The following CRK variants were observed in gnomAD, a reference collection of about 807,000 sequenced individuals.
CRK encodes the protein adapter molecule crk.
CRK carries 4 observed loss-of-function variants against 29.8 expected under a neutral mutation model. The observed-to-expected ratio is 0.13, with a 90% CI of 0.07 to 0.31. The LOEUF (loss-of-function observed/expected upper bound fraction) is 0.31. Among genes scored for constraint, CRK ranks in the 10% least tolerant of loss-of-function variants. The pLI is 1.00. For synonymous variants in CRK, 153 were observed against 164.9 expected, an observed-to-expected ratio of 0.93 and a Z score of 0.55; for missense variants, 274 against 396.5, an observed-to-expected ratio of 0.69 and a Z score of 2.62.
At chr17:1,451,334 G>A (rs1036226805) in intron 1 of CRK, among the ~76,000 whole-genome samples, 3 of 151,360 alleles carry the variant, frequency 2.0e-5, no homozygotes, top group African/African-American at 4.8e-5. Context: ...GGGTTCAAGC[G>A]ATTCTCGTGC....
intron 1 of CRK, among the ~76,000 whole-genome samples, chr17:1,446,260 CTA>C (rs1039584895): frequency 1.3e-5 from 2 of 152,120 alleles, no homozygotes; most frequent in African/African-American, 2.4e-5. Context: ...TCACCTGGAT[CTA>C]TGTTCCTGCT....
chr17:1,433,167 G>C (rs557851870), intron 2 of CRK, among the ~76,000 whole-genome samples: 2 of 152,260 alleles, frequency 1.3e-5, no homozygotes, highest in Admixed American at 1.3e-4. Flanking sequence ...GAGATAATGA[G>C]AACAAAATCA....
rs117003273 is a variant in CRK at position 1,425,981 on chromosome 17, T to G, written c.778-2331A>C. Among the ~76,000 whole-genome samples, 562 of 152,122 alleles carry G rather than the reference T, an allele frequency of 3.7e-3. 6 individuals are homozygous for G. Among genetic ancestry groups the G allele is most frequent in the Non-Finnish European group, 6.6e-3 (449 of 67,970 alleles). ...GAGGTGGGGGGATGGCTTGAGCCCA[T>G]GATTTTGAGAGCAGCCCTGGCAAAA... On this transcript the variant is annotated intron_variant, in intron 2 of 2. Coordinates refer to ENST00000300574, the MANE Select transcript of CRK (RefSeq NM_016823.4).
Position 1,444,618 on chromosome 17 carries a change from C to T in CRK, c.242-7463G>A, listed in dbSNP as rs530881300. On this transcript the variant is annotated intron_variant, in intron 1 of 2. Coordinates refer to ENST00000300574, the MANE Select transcript of CRK (RefSeq NM_016823.4). ...AGCGGGGGGGGGGATCACCTGAGATCGGGAGTTCGAGAGCAGCCTGACCAA... is the reference window on the plus strand; with the variant it reads ...AGCGGGGGGGGGGATCACCTGAGATTGGGAGTTCGAGAGCAGCCTGACCAA... Among the ~76,000 whole-genome samples the T allele has an allele frequency of 1.1e-3, 145 of 133,624 alleles. 1 individual carries two copies. The highest frequency in any genetic ancestry group is 3.8e-3 in the African/African-American group (136 of 35,990). The allele number at this position is 133,624 out of a possible 152,430, so 87.7% of individuals were successfully genotyped here. A position where few individuals can be genotyped will look rare whatever the true frequency, so the allele number is the denominator to read the frequency against.
At chr17:1,438,748 G>T (rs2073909934) in intron 1 of CRK, among the ~76,000 whole-genome samples, 1 of 151,900 alleles carries the variant, frequency 6.6e-6, no homozygotes, top group South Asian at 2.1e-4. Context: ...CCATAGTTCA[G>T]AATGGATTTA....
chr17:1,450,481 C>T (rs1008963024), intron 1 of CRK, among the ~76,000 whole-genome samples: 2 of 149,698 alleles, frequency 1.3e-5, no homozygotes, highest in Admixed American at 6.7e-5. Context: ...CCCTCCGGCC[C>T]GGCGTGGGCG....
At chr17:1,452,575 T>G (rs888552907) in intron 1 of CRK, among the ~76,000 whole-genome samples, 1 of 151,456 alleles carries the variant, frequency 6.6e-6, no homozygotes, top group African/African-American at 2.4e-5. Context: ...ATGATCAGAG[T>G]TCAGCAGTTC....
rs756745171 is a variant in CRK, at chr17:1,436,504, C to T, written c.777+116G>A. On this transcript the variant is annotated intron_variant, in intron 2 of 2. Transcript: ENST00000300574. ...ATTCAATGCCAACATCAGTGCTTAG[C>T]GGCTTGCCATCTACAACATCCCAAT... 7.9e-4 allele frequency: 897 copies of T among 1,138,716 alleles called. 1 individual carries two copies. The highest frequency in any genetic ancestry group is 8.8e-4 in the Non-Finnish European group (722 of 824,928). The allele number at this position is 1,138,716 out of a possible 1,614,324, so 70.5% of individuals were successfully genotyped here.
chr17:1,433,508 GCTTTT>G (rs2073862176), intron 2 of CRK, among the ~76,000 whole-genome samples: 1 of 114,368 alleles, frequency 8.7e-6, no homozygotes, highest in Non-Finnish European at 1.8e-5. Flanking sequence ...ACCACGCCTG[GCTTTT>G]TTTTTTTTTT....
chr17:1,438,720 G>A (rs1182681313), intron 1 of CRK, among the ~76,000 whole-genome samples: 1 of 152,068 alleles, frequency 6.6e-6, no homozygotes, highest in African/African-American at 2.4e-5. Context: ...ACACGAGTGT[G>A]TATGGTGGCC....
intron 1 of CRK, among the ~76,000 whole-genome samples, chr17:1,451,069 G>A (rs1425569266): frequency 6.6e-6 from 1 of 150,700 alleles, no homozygotes. Context: ...GCGGGCGCCT[G>A]TAGTCCCAGC....
At chr17:1,429,067 C>G (rs1363837365) in intron 2 of CRK, among the ~76,000 whole-genome samples, 1 of 151,794 alleles carries the variant, frequency 6.6e-6, no homozygotes, top group Non-Finnish European at 1.5e-5. Flanking sequence ...AGGCTGGTCT[C>G]CAACTCCTGA....
chr17:1,442,165 T>A (rs2073940349), intron 1 of CRK, among the ~76,000 whole-genome samples: 1 of 151,504 alleles, frequency 6.6e-6, no homozygotes, highest in African/African-American at 2.4e-5. Context: ...CCTGTTTTTT[T>A]TTTTTTTGAG....
chr17:1,447,607 CTTTTTTTTTTTT>C (rs34998406), intron 1 of CRK, among the ~76,000 whole-genome samples: 1 of 117,844 alleles, frequency 8.5e-6, no homozygotes, highest in African/African-American at 3.4e-5. Context: ...TTCTCTTTTC[CTTTTTTTTTTTT>C]TTTTTTTGAG....
At chr17:1,446,209 G>A (rs77143092) in intron 1 of CRK, among the ~76,000 whole-genome samples, 1,592 of 152,226 alleles carry the variant, frequency 0.01, 32 homozygotes, top group African/African-American at 0.036. Context: ...AGGAGAAAGC[G>A]GCACGTCTTA....
Position 1,427,418 on chromosome 17 carries a change from C to T in CRK, c.778-3768G>A, listed in dbSNP as rs373241920. On this transcript the variant is annotated intron_variant, in intron 2 of 2. Coordinates refer to ENST00000300574, the MANE Select transcript of CRK (RefSeq NM_016823.4). Reference sequence around the variant, plus strand: ...ACCATCCTGGCTAACACGGTGAAACCCCGTCTCTACTAAAAATACAAAAAA... The same window carrying T: ...ACCATCCTGGCTAACACGGTGAAACTCCGTCTCTACTAAAAATACAAAAAA... Among the ~76,000 whole-genome samples, 224 of 151,774 alleles carry T rather than the reference C, an allele frequency of 1.5e-3. 6 individuals carry two copies. In the East Asian group the frequency reaches 0.033, roughly 22 times the overall value.
chr17:1,451,157 T>C (rs1414104801), intron 1 of CRK, among the ~76,000 whole-genome samples: 1 of 115,078 alleles, frequency 8.7e-6, no homozygotes, highest in Non-Finnish European at 1.6e-5. Flanking sequence ...CGTGCCACTA[T>C]ACTCCAGCCT....
intron 1 of CRK, among the ~76,000 whole-genome samples, chr17:1,450,919 G>C (rs775249990): frequency 4.6e-5 from 7 of 151,844 alleles, no homozygotes; most frequent in Non-Finnish European, 8.8e-5. Flanking sequence ...TAGGCCGGGC[G>C]CGGTGGCTCA....
chr17:1,422,864 T>C lies in CRK; in HGVS notation c.*649A>G, dbSNP rs552774877. 4 of 398,400 alleles carry C rather than the reference T, an allele frequency of 1.0e-5. No individual in the cohort carries two copies. Among genetic ancestry groups the C allele is most frequent in the Non-Finnish European group, 1.8e-5 (4 of 226,092 alleles). The allele number at this position is 398,400 out of a possible 1,614,324, so 24.7% of individuals were successfully genotyped here. A position where few individuals can be genotyped will look rare whatever the true frequency, so the allele number is the denominator to read the frequency against. ...CACCTGGAATGAAAATACACACTTA[T>C]CTTAGGAATTCACCTACTTACAGGT... On this transcript the variant is annotated 3_prime_UTR_variant, in exon 3 of 3. Transcript: ENST00000300574.
Sources: allele counts gnomAD v4.1 joint callset (sites outside exome capture counted in the v4.1 genomes callset), GRCh38; gene constraint gnomAD v4.1.1; transcripts MANE v1.5; gene names NCBI Gene and HGNC (gene_info 2026-07-23, HGNC 2026-07-21).